Variants in ADISSP observed in about 807,000 individuals in gnomAD.
ADISSP encodes adipose-secreted signaling protein.
At chr20:3,754,391 T>A in the ADISSP span, 1 of 1,605,684 alleles carries the variant, frequency 6.2e-7, no homozygotes. Flanking sequence ...AGCCTCACGC[T>A]CTCACCCATG....
chr20:3,754,380 G>T, the ADISSP span: 1 of 1,602,796 alleles, frequency 6.2e-7, no homozygotes, highest in South Asian at 1.1e-5. Context: ...CTCCAACCAG[G>T]AGCCTCACGC....
the ADISSP span, among the ~76,000 whole-genome samples, chr20:3,763,573 A>G: frequency 2.0e-5 from 3 of 152,080 alleles, 1 homozygote; most frequent in East Asian, 5.8e-4. Flanking sequence ...AAAAAAAAAA[A>G]AGACATTTGG....
chr20:3,761,684 G>C, the ADISSP span, among the ~76,000 whole-genome samples: 5 of 152,178 alleles, frequency 3.3e-5, no homozygotes, highest in Non-Finnish European at 5.9e-5. Context: ...ATGGAGGTAT[G>C]TGACTTCTCC....
At chr20:3,759,261 G>C in the ADISSP span, among the ~76,000 whole-genome samples, 2 of 152,130 alleles carry the variant, frequency 1.3e-5, no homozygotes, top group South Asian at 4.1e-4. This position sits in a 1 kb window ranked among gnomAD's most constrained non-coding sequence, Gnocchi z 4.6. Context: ...AACCTCACTG[G>C]CCCCTGGCAG....
the ADISSP span, among the ~76,000 whole-genome samples, chr20:3,757,777 C>A: frequency 2.6e-5 from 4 of 152,052 alleles, no homozygotes; most frequent in Non-Finnish European, 5.9e-5. Flanking sequence ...TACAGGCGTG[C>A]GCCACCACGC....
the ADISSP span, chr20:3,753,851 C>T: frequency 1.7e-6 from 1 of 601,064 alleles, no homozygotes; most frequent in Non-Finnish European, 3.0e-6. Flanking sequence ...GACTGAGGCA[C>T]ACAGAGAGGA....
the ADISSP span, among the ~76,000 whole-genome samples, chr20:3,760,838 G>T: frequency 6.6e-6 from 1 of 152,206 alleles, no homozygotes; most frequent in Non-Finnish European, 1.5e-5. Context: ...CAGCACAGGG[G>T]CAGTGAGAGG....
chr20:3,757,881 C>G, the ADISSP span, among the ~76,000 whole-genome samples: 1 of 152,076 alleles, frequency 6.6e-6, no homozygotes, highest in East Asian at 1.9e-4. Flanking sequence ...AGACCCCCCA[C>G]TCAGGGCCAT....
chr20:3,759,286 C>T, the ADISSP span, among the ~76,000 whole-genome samples: 1 of 152,176 alleles, frequency 6.6e-6, no homozygotes, highest in Non-Finnish European at 1.5e-5. This position sits in a 1 kb window ranked among gnomAD's most constrained non-coding sequence, Gnocchi z 4.6. Flanking sequence ...AAGAGAGAAT[C>T]CAAGGAAGCT....
chr20:3,767,837 TC>T, the ADISSP span: 1 of 152,080 alleles, frequency 6.6e-6, no homozygotes, highest in Admixed American at 6.6e-5. Flanking sequence ...CGAGGGACGC[TC>T]CGGACCAATG....
chr20:3,753,722 C>T, the ADISSP span: 5 of 403,772 alleles, frequency 1.2e-5, no homozygotes, highest in African/African-American at 2.0e-5. Flanking sequence ...CCGTCCTCTC[C>T]CAGACCCTGG....
the ADISSP span, among the ~76,000 whole-genome samples, chr20:3,759,800 C>T: frequency 6.6e-6 from 1 of 152,174 alleles, no homozygotes; most frequent in African/African-American, 2.4e-5. The surrounding 1 kb of genome is among the most constrained non-coding windows in gnomAD (Gnocchi z 4.6). Context: ...GCTCCCCCAA[C>T]CCCCACAGTG....
chr20:3,762,987 G>A, the ADISSP span, among the ~76,000 whole-genome samples: 144 of 152,266 alleles, frequency 9.5e-4, 1 homozygote, highest in African/African-American at 2.9e-3. Flanking sequence ...CGGGCGCTGC[G>A]GCTCACACCT....
chr20:3,754,753 C>A, the ADISSP span, among the ~76,000 whole-genome samples: 4 of 152,204 alleles, frequency 2.6e-5, no homozygotes, highest in African/African-American at 9.7e-5. Context: ...TGTGGGCCAC[C>A]CCAATGTGGC....
At chr20:3,754,644 C>T in the ADISSP span, 2 of 980,804 alleles carry the variant, frequency 2.0e-6, no homozygotes, top group Non-Finnish European at 3.1e-6. Context: ...AAGAAAGGGG[C>T]AGGGATGGCC....
the ADISSP span, among the ~76,000 whole-genome samples, chr20:3,756,559 C>A: frequency 6.6e-6 from 1 of 152,192 alleles, no homozygotes; most frequent in African/African-American, 2.4e-5. Flanking sequence ...CTGGGACTGG[C>A]TGCAGAGAGT....
At chr20:3,758,604 A>G in the ADISSP span, 1 of 1,613,948 alleles carries the variant, frequency 6.2e-7, no homozygotes, top group South Asian at 1.1e-5. The surrounding 1 kb of genome is among the most constrained non-coding windows in gnomAD (Gnocchi z 5.5). Flanking sequence ...TTCTCATCAA[A>G]GTGGACGTGG....
At chr20:3,761,527 G>T in the ADISSP span, among the ~76,000 whole-genome samples, 1 of 152,122 alleles carries the variant, frequency 6.6e-6, no homozygotes, top group East Asian at 1.9e-4. Context: ...GTAGAGACAG[G>T]GTTTCACCAT....
chr20:3,758,787 C>A, the ADISSP span: 3 of 1,051,132 alleles, frequency 2.9e-6, no homozygotes, highest in Admixed American at 2.3e-5. This position sits in a 1 kb window ranked among gnomAD's most constrained non-coding sequence, Gnocchi z 5.5. Context: ...CCAGCTCCCA[C>A]TGGCTGGGCT....
Sources: gnomAD v4.1 joint callset for allele counts (sites outside exome capture counted in the v4.1 genomes callset) on GRCh38, gnomAD v4.1.1 for gene constraint, Gnocchi (gnomAD v3.1) non-coding constraint, MANE v1.5 for transcripts, NCBI Gene and HGNC (gene_info 2026-07-23, HGNC 2026-07-21) for gene names.